Variants in LRRK2 observed in about 807,000 individuals in gnomAD.
The protein encoded by LRRK2 is leucine-rich repeat serine/threonine-protein kinase 2.
A neutral mutation model predicts 302.6 loss-of-function variants in LRRK2; 203 were observed. The ratio of observed to expected loss-of-function variants is 0.67; its 90% confidence interval spans 0.60 to 0.75. LRRK2 has a LOEUF of 0.75. Among genes scored for constraint, LRRK2 ranks in the 30% least tolerant of loss-of-function variants. The pLI is 0.00. For missense variants in LRRK2, 2,830 were observed against 2,951.0 expected, an observed-to-expected ratio of 0.96 and a Z score of 0.95; for synonymous variants, 1,066 against 1,031.9, an observed-to-expected ratio of 1.03 and a Z score of -0.63.
intron 7 of LRRK2, among the ~76,000 whole-genome samples, chr12:40,248,628 C>T (rs1186010327): frequency 6.6e-6 from 1 of 152,082 alleles, no homozygotes; most frequent in African/African-American, 2.4e-5. Flanking sequence ...AAATATTTAA[C>T]GTTTTGCCAA....
chr12:40,235,100 G>A (rs1941389428), intron 3 of LRRK2, among the ~76,000 whole-genome samples: 1 of 151,982 alleles, frequency 6.6e-6, no homozygotes, highest in Non-Finnish European at 1.5e-5. Context: ...TGTGTACATT[G>A]TGAATTATTC....
At chr12:40,311,875 C>A (rs1422332183) in intron 31 of LRRK2, among the ~76,000 whole-genome samples, 1 of 151,976 alleles carries the variant, frequency 6.6e-6, no homozygotes, top group Non-Finnish European at 1.5e-5. Flanking sequence ...TTCCTATTCT[C>A]TTGTTGGACA....
chr12:40,364,573 T>G (rs1054129203), intron 48 of LRRK2, among the ~76,000 whole-genome samples: 4 of 151,930 alleles, frequency 2.6e-5, no homozygotes, highest in Non-Finnish European at 4.4e-5. Context: ...TTAGATAGCT[T>G]TGGTATTTAT....
At chr12:40,357,980 C>T (rs1457128431) in intron 46 of LRRK2, among the ~76,000 whole-genome samples, 1 of 152,104 alleles carries the variant, frequency 6.6e-6, no homozygotes, top group Non-Finnish European at 1.5e-5. Flanking sequence ...GTTGTCCAGA[C>T]TGATCTCAAA....
At position 40,368,602 on chromosome 12, in the gene LRRK2, G is replaced by C. The variant is rs1056805247; in HGVS notation, c.*837G>C. On this transcript the variant is annotated 3_prime_UTR_variant, in exon 51 of 51. Coordinates refer to ENST00000298910, the MANE Select transcript of LRRK2 (RefSeq NM_198578.4). ...TTTTTATTCATACCACTAGCTACTT[G>C]TTTTCTAATCTGCTTCATTCTAATG... 2 of 150,940 alleles carry C rather than the reference G, an allele frequency of 1.3e-5. No homozygotes were observed. The highest frequency in any genetic ancestry group is 4.9e-5 in the African/African-American group (2 of 41,136). The allele number at this position is 150,940 out of a possible 1,614,324, so 9.4% of individuals were successfully genotyped here. A position where few individuals can be genotyped will look rare whatever the true frequency, so the allele number is the denominator to read the frequency against.
At chr12:40,240,371 G>T in intron 5 of LRRK2, 112 bp from the exon 6 acceptor site, 1 of 910,562 alleles carries the variant, frequency 1.1e-6, no homozygotes, top group Non-Finnish European at 1.7e-6. Flanking sequence ...TTTATTTAAG[G>T]AGATTACACT....
At chr12:40,257,208 A>G (rs779215493) in intron 11 of LRRK2, 40 bp from the exon 12 acceptor site, 1 of 1,398,212 alleles carries the variant, frequency 7.2e-7, no homozygotes, top group Non-Finnish European at 1.0e-6. Context: ...TTATGAAAAT[A>G]TGCTTTCATA....
At chr12:40,278,684 G>A (rs1380987434) in intron 18 of LRRK2, among the ~76,000 whole-genome samples, 1 of 152,122 alleles carries the variant, frequency 6.6e-6, no homozygotes, top group Non-Finnish European at 1.5e-5. Flanking sequence ...GCTGTGGATG[G>A]CACACTTTTG....
At chr12:40,324,529 C>G (rs919816416) in intron 38 of LRRK2, among the ~76,000 whole-genome samples, 38 of 152,184 alleles carry the variant, frequency 2.5e-4, no homozygotes, top group African/African-American at 8.4e-4. Flanking sequence ...CAATTTTGAC[C>G]TTACTTTGTT....
intron 33 of LRRK2, among the ~76,000 whole-genome samples, chr12:40,319,041 G>A (rs1945317808): frequency 6.6e-6 from 1 of 152,130 alleles, no homozygotes; most frequent in South Asian, 2.1e-4. Flanking sequence ...TCAACTACAT[G>A]ATAGCATAAA....
rs551302864 is a variant in LRRK2, at chr12:40,368,096, A to G, written c.*331A>G. 4.0e-5 allele frequency: 7 copies of G among 176,824 alleles called. No individual in the cohort carries two copies. In the South Asian group the frequency reaches 8.9e-4, roughly 22 times the overall value. 11.0% of individuals were successfully genotyped at this position (176,824 alleles called of 1,614,324 possible). On this transcript the variant is annotated 3_prime_UTR_variant, in exon 51 of 51. Coordinates refer to ENST00000298910, the MANE Select transcript of LRRK2 (RefSeq NM_198578.4). ...ATAATTTTTTGTTTTCTTGTCTGTA[A>G]TGGAGGTAAACTTTATTTTAAATTC... is the stretch of plus-strand genomic sequence containing the variant.
At chr12:40,317,663 C>T (rs547232861) in intron 33 of LRRK2, among the ~76,000 whole-genome samples, 1 of 151,994 alleles carries the variant, frequency 6.6e-6, no homozygotes, top group East Asian at 1.9e-4. Context: ...GGCAATTTAA[C>T]CTTGATAAAA....
chr12:40,355,263 G>A (rs1312366284), intron 45 of LRRK2, among the ~76,000 whole-genome samples: 1 of 152,128 alleles, frequency 6.6e-6, no homozygotes, highest in East Asian at 1.9e-4. Context: ...GGGCAAGGAC[G>A]ACTTTATTCA....
At chr12:40,254,496 T>C (rs1189007957) in intron 11 of LRRK2, among the ~76,000 whole-genome samples, 1 of 152,200 alleles carries the variant, frequency 6.6e-6, no homozygotes, top group Non-Finnish European at 1.5e-5. Context: ...ATCTCTCTTA[T>C]TCTACTGTGC....
rs10784461 is a variant in LRRK2 at position 40,263,735 on chromosome 12, A to G, written c.1544-54A>G. 590,536 of 1,267,854 alleles carry G rather than the reference A, an allele frequency of 0.47. 140,973 individuals are homozygous for G. The highest frequency in any genetic ancestry group is 0.55 in the South Asian group (45,019 of 81,370). 78.5% of individuals were successfully genotyped at this position (1,267,854 alleles called of 1,614,324 possible). A position where few individuals can be genotyped will look rare whatever the true frequency, so the allele number is the denominator to read the frequency against. On this transcript the variant is annotated intron_variant, in intron 13 of 50. Transcript: ENST00000298910. ...ATTTCTAGAAAGTAACAGTCTGTTC[A>G]ACTCAAATGTTTATAAGAAAATTCT...
chr12:40,238,734 C>T (rs1941585599), intron 5 of LRRK2, among the ~76,000 whole-genome samples: 1 of 152,184 alleles, frequency 6.6e-6, no homozygotes, highest in Non-Finnish European at 1.5e-5. Flanking sequence ...ATTATGAGAG[C>T]CAACTGTGCT....
chr12:40,253,966 G>A lies in LRRK2; in HGVS notation c.1288+950G>A, dbSNP rs539739044. Among the ~76,000 whole-genome samples the A allele has an allele frequency of 5.9e-5, 9 of 152,114 alleles. 1 individual carries two copies. The highest frequency in any genetic ancestry group is 9.6e-5 in the African/African-American group (4 of 41,514). On this transcript the variant is annotated intron_variant, in intron 11 of 50. Coordinates refer to ENST00000298910, the MANE Select transcript of LRRK2 (RefSeq NM_198578.4). ...CCACACTATACTTTTTTAAAAAATC[G>A]TTCTTTAATGTAATTCTTATAAATC... is the stretch of plus-strand genomic sequence containing the variant.
intron 11 of LRRK2, among the ~76,000 whole-genome samples, chr12:40,256,786 C>T (rs1942533636): frequency 6.6e-6 from 1 of 152,214 alleles, no homozygotes; most frequent in African/African-American, 2.4e-5. Context: ...CCTCCACATG[C>T]TTATAACTCA....
At chr12:40,228,915 T>A (rs1164934476) in intron 2 of LRRK2, among the ~76,000 whole-genome samples, 2 of 152,200 alleles carry the variant, frequency 1.3e-5, no homozygotes, top group Non-Finnish European at 2.9e-5. Context: ...TCACTGAGGA[T>A]CAAAGAGCTT....
Sources: allele counts gnomAD v4.1 joint callset (sites outside exome capture counted in the v4.1 genomes callset), GRCh38; gene constraint gnomAD v4.1.1; transcripts MANE v1.5; gene names NCBI Gene and HGNC (gene_info 2026-07-23, HGNC 2026-07-21).